PRKRA: variants seen among roughly 807,000 people sequenced by gnomAD.
The protein encoded by PRKRA is protein activator of interferon induced protein kinase EIF2AK2, also known as interferon-inducible double-stranded RNA-dependent protein kinase activator A.
In PRKRA, 22 loss-of-function variants were observed where a neutral mutation model predicts 32.4. The ratio of observed to expected loss-of-function variants is 0.68; its 90% confidence interval spans 0.49 to 0.97. PRKRA has a LOEUF of 0.97. Among genes scored for constraint, PRKRA ranks in the 50% least tolerant of loss-of-function variants. The pLI is 0.00. For missense variants in PRKRA, 319 were observed against 375.6 expected (o/e 0.85, Z 1.25); for synonymous variants, 139 against 129.8 (o/e 1.07, Z -0.48).
intron 7 of PRKRA, among the ~76,000 whole-genome samples, chr2:178,432,506 GCTCA>G (rs1299412581): frequency 1.3e-5 from 2 of 152,084 alleles, no homozygotes; most frequent in Non-Finnish European, 2.9e-5. Context: ...CTGCACTCTA[GCTCA>G]CTCAATCAGA....
Position 178,451,076 on chromosome 2 carries a change from C to G in PRKRA, c.-46G>C. On this transcript the variant is annotated 5_prime_UTR_variant, in exon 1 of 8. Transcript: ENST00000325748. Reference sequence around the variant, plus strand: ...CGGCTGGAGGAAGAGCGGTGCGGAGCGACGTGCTCGCTCCCCGGGTCGCTG... The same window carrying G: ...CGGCTGGAGGAAGAGCGGTGCGGAGGGACGTGCTCGCTCCCCGGGTCGCTG... 6.5e-7 allele frequency: 1 copy of G among 1,535,078 alleles called. No homozygotes were observed.
chr2:178,443,415 AT>A (rs1697194287), intron 4 of PRKRA, 31 bp from the exon 5 acceptor site: 1 of 641,408 alleles, frequency 1.6e-6, no homozygotes, highest in Non-Finnish European at 2.4e-6. Flanking sequence ...TTTAATAGTA[AT>A]TTTATGCAAT....
At chr2:178,445,069 T>C (rs1022333146) in intron 3 of PRKRA, among the ~76,000 whole-genome samples, 1 of 152,252 alleles carries the variant, frequency 6.6e-6, no homozygotes, top group African/African-American at 2.4e-5. Flanking sequence ...TCCACAGAAC[T>C]ATGAAGAGAG....
intron 2 of PRKRA, among the ~76,000 whole-genome samples, chr2:178,449,254 G>A (rs1697444396): frequency 6.6e-6 from 1 of 152,132 alleles, no homozygotes; most frequent in Non-Finnish European, 1.5e-5. Context: ...GTAATGCAGT[G>A]TTGACTCTAT....
At chr2:178,450,864 G>C in intron 1 of PRKRA, 102 bp downstream of exon 1, 1 of 1,238,414 alleles carries the variant, frequency 8.1e-7, no homozygotes, top group Non-Finnish European at 1.0e-6. Context: ...TGGGCGCCGG[G>C]CACGGCTTTA....
intron 6 of PRKRA, 92 bp downstream of exon 6, chr2:178,441,518 C>CTG (rs1697112461): frequency 7.7e-6 from 6 of 781,686 alleles, no homozygotes; most frequent in Middle Eastern, 6.9e-4. Flanking sequence ...AATCACAACT[C>CTG]TGAAGTAGCT....
chr2:178,450,172 G>A (rs765465741), intron 2 of PRKRA, 70 bp downstream of exon 2: 172 of 1,307,038 alleles, frequency 1.3e-4, no homozygotes, highest in Admixed American at 1.2e-3. Flanking sequence ...GAACTTTTCC[G>A]AACTGAAAAG....
intron 3 of PRKRA, chr2:178,447,283 G>C (rs1056648683): frequency 1.4e-5 from 9 of 625,566 alleles, no homozygotes; most frequent in Non-Finnish European, 2.3e-5. Flanking sequence ...AAAAAAAACA[G>C]TAAAGCCTAG....
intron 7 of PRKRA, chr2:178,433,953 A>G (rs1311447696): frequency 6.6e-6 from 1 of 152,220 alleles, no homozygotes. Context: ...TTAATTCATA[A>G]TCTAAAAATT....
chr2:178,450,845 G>C, intron 1 of PRKRA, 121 bp downstream of exon 1: 1 of 1,379,410 alleles, frequency 7.2e-7, no homozygotes, highest in Admixed American at 3.6e-5. Flanking sequence ...ACCCACAGCC[G>C]CGGAGGCGTG....
In PRKRA at chr2:178,441,670, A is replaced by G. The variant is rs61746229; in HGVS notation, c.549T>C (p.Asn183=). 0.055 allele frequency: 87,253 copies of G among 1,588,936 alleles called. 3 individuals carry two copies. The highest frequency in any genetic ancestry group is 0.065 in the Non-Finnish European group (74,999 of 1,159,826). Reference sequence around the variant, plus strand: ...ATTTGGCAAGAAATTTCTCAGCAGCATTCCTTTTGGCTTGCTTTTTTGATG... The same window carrying G: ...ATTTGGCAAGAAATTTCTCAGCAGCGTTCCTTTTGGCTTGCTTTTTTGATG... ...KGASKKQAKR[N]AAEKFLAKFS... is the part of the protein sequence containing the mutation. Residue 183 remains asparagine, a synonymous_variant, in exon 6 of 8, where the codon AAT becomes AAC. Coordinates refer to ENST00000325748, the MANE Select transcript of PRKRA (RefSeq NM_003690.5).
intron 6 of PRKRA, chr2:178,440,339 T>C (rs1355387805): frequency 1.3e-5 from 2 of 152,194 alleles, no homozygotes; most frequent in Non-Finnish European, 2.9e-5. Flanking sequence ...ACTTTTTTAT[T>C]TCCCACCTAA....
chr2:178,437,618 A>G (rs1459297464), intron 6 of PRKRA, among the ~76,000 whole-genome samples: 3 of 152,142 alleles, frequency 2.0e-5, no homozygotes, highest in African/African-American at 7.2e-5. Flanking sequence ...GAACATGTAC[A>G]CTTTTAATTT....
chr2:178,442,437 A>G (rs1472130644), intron 5 of PRKRA, among the ~76,000 whole-genome samples: 1 of 152,212 alleles, frequency 6.6e-6, no homozygotes, highest in Admixed American at 6.5e-5. Context: ...TTTAACAGGA[A>G]TAAGAAAGGC....
chr2:178,441,495 A>G, intron 6 of PRKRA, 115 bp downstream of exon 6: 1 of 774,368 alleles, frequency 1.3e-6, no homozygotes, highest in Non-Finnish European at 2.1e-6. Context: ...TGAATAATGA[A>G]GAGATTTCTA....
chr2:178,450,013 G>A (rs1697493069), intron 2 of PRKRA: 1 of 613,158 alleles, frequency 1.6e-6, no homozygotes, highest in Middle Eastern at 4.5e-4. Flanking sequence ...CAGCCATCCG[G>A]CTGGGTAACT....
At chr2:178,450,614 C>T in intron 1 of PRKRA, 1 of 1,467,586 alleles carries the variant, frequency 6.8e-7, no homozygotes, top group East Asian at 2.5e-5. Flanking sequence ...GCGGGGTGAG[C>T]GAGGTCTTTA....
chr2:178,449,587 G>A (rs915250992), intron 2 of PRKRA, among the ~76,000 whole-genome samples: 1 of 152,194 alleles, frequency 6.6e-6, no homozygotes, highest in African/African-American at 2.4e-5. Context: ...CCAAAAGAAA[G>A]CATGAACTTT....
In PRKRA at chr2:178,436,252, A is replaced by T. The variant is rs77419724; in HGVS notation, c.677T>A (p.Ile226Asn). ...HSLRNSPGEK[I>N]NLLKRSLLSI... ...AAGGAGGCTTCTTTTCAGTAAGTTGATCTTTTCACCAGGAGAATTCCTCAA... is the reference window on the plus strand; with the variant it reads ...AAGGAGGCTTCTTTTCAGTAAGTTGTTCTTTTCACCAGGAGAATTCCTCAA... Residue 226 changes from isoleucine to asparagine, a missense_variant, in exon 7 of 8, where the codon ATC becomes AAC. Ile to Asn is a moderately radical substitution (Grantham distance 149, BLOSUM62 -3). Transcript: ENST00000325748. 0.16 allele frequency: 259,697 copies of T among 1,578,964 alleles called. 17 individuals are homozygous for T. Among genetic ancestry groups the T allele is most frequent in the Middle Eastern group, 0.2 (1,184 of 5,962 alleles).
Sources: gnomAD v4.1 joint callset for allele counts (sites outside exome capture counted in the v4.1 genomes callset) on GRCh38, gnomAD v4.1.1 for gene constraint, MANE v1.5 for transcripts, NCBI Gene and HGNC (gene_info 2026-07-23, HGNC 2026-07-21) for gene names.